APOD: variants seen among roughly 807,000 people sequenced by gnomAD.
The protein encoded by APOD is apo-D.
Under a neutral mutation model 20.4 loss-of-function variants are expected in APOD, and 22 were observed. The ratio of observed to expected loss-of-function variants is 1.08; its 90% CI spans 0.77 to 1.54. APOD has a LOEUF of 1.54. APOD is among the 40% of genes most tolerant of loss of function. The pLI is 0.00. For missense variants in APOD, 223 were observed against 229.6 expected, an observed-to-expected ratio of 0.97 and a Z score of 0.19; for synonymous variants, 97 against 92.4, an observed-to-expected ratio of 1.05 and a Z score of -0.29.
intron 2 of APOD, among the ~76,000 whole-genome samples, chr3:195,578,830 G>A (rs1720288795): frequency 6.6e-6 from 1 of 152,150 alleles, no homozygotes; most frequent in East Asian, 1.9e-4. Context: ...CTCTGTAGCA[G>A]CTACTATGGT....
chr3:195,569,199 A>C (rs927411722), intron 4 of APOD, 64 bp from the exon 5 acceptor site: 1 of 1,450,354 alleles, frequency 6.9e-7, no homozygotes, highest in African/African-American at 1.4e-5. Flanking sequence ...AGGACAACAC[A>C]AGAAGGCTGG....
At chr3:195,571,250 A>G (rs1720153053) in intron 4 of APOD, 27 bp downstream of exon 4, 1 of 1,604,984 alleles carries the variant, frequency 6.2e-7, no homozygotes, top group African/African-American at 1.3e-5. Context: ...CTGTCCCTGA[A>G]TCCTCCTGGG....
chr3:195,568,862 G>A lies in APOD; in HGVS notation c.*38C>T, dbSNP rs779437607. 46 of 1,450,200 alleles carry A rather than the reference G, an allele frequency of 3.2e-5. No individual in the cohort carries two copies. Among genetic ancestry groups the A allele is most frequent in the Middle Eastern group, 1.7e-4 (1 of 5,740 alleles). The allele number at this position is 1,450,200 out of a possible 1,614,324, so 89.8% of individuals were successfully genotyped here. A position where few individuals can be genotyped will look rare whatever the true frequency, so the allele number is the denominator to read the frequency against. ...GGGGGTAGGGGAAAGCGAAGCAGAA[G>A]TAACATGGAGTGGGTGCAGCCTCCC... On this transcript the variant is annotated 3_prime_UTR_variant, in exon 5 of 5. Coordinates refer to ENST00000343267, the MANE Select transcript of APOD (RefSeq NM_001647.4).
intron 2 of APOD, 28 bp downstream of exon 2, chr3:195,579,311 C>G (rs1429249711): frequency 1.2e-6 from 2 of 1,613,338 alleles, no homozygotes; most frequent in South Asian, 2.2e-5. Flanking sequence ...GCGGAGGCAG[C>G]AAAACAAACG....
Position 195,583,868 on chromosome 3 carries a change from C to T in APOD, c.-35+10G>A, listed in dbSNP as rs1720381596. 6.6e-6 allele frequency: 1 copy of T among 152,164 alleles called. No homozygotes were observed. Among genetic ancestry groups the T allele is most frequent in the Non-Finnish European group, 1.5e-5 (1 of 68,040 alleles). The allele number at this position is 152,164 out of a possible 1,614,324, so 9.4% of individuals were successfully genotyped here. ...ATCATAAATGAAAAGCTTAAAACTA[C>T]AGTACATACCTTTTCTTTCAAGATG... On this transcript the variant is annotated intron_variant, in intron 1 of 4. Coordinates refer to ENST00000343267, the MANE Select transcript of APOD (RefSeq NM_001647.4).
At chr3:195,570,452 A>G (rs1220521864) in intron 4 of APOD, 2 of 152,232 alleles carry the variant, frequency 1.3e-5, no homozygotes, top group African/African-American at 4.8e-5. Context: ...TAGTGTGAGA[A>G]GAACTGTTTT....
intron 3 of APOD, among the ~76,000 whole-genome samples, chr3:195,571,782 C>CTT (rs34868553): frequency 2.8e-5 from 4 of 145,160 alleles, no homozygotes; most frequent in African/African-American, 2.5e-5. Flanking sequence ...AGAAGATTCA[C>CTT]TTTTTTTTTT....
Position 195,568,949 on chromosome 3 carries a change from A to C in APOD, c.521T>G (p.Val174Gly). 4 of 1,614,106 alleles carry C rather than the reference A, an allele frequency of 2.5e-6. No individual in the cohort carries two copies. Among genetic ancestry groups the C allele is most frequent in the Non-Finnish European group, 3.4e-6 (4 of 1,180,010 alleles). ...CTGGTCTGTGACCGTCATTTTCTTG[A>C]CATCAATGTTATTAGAAGTCAGGAT... ...KNILTSNNIDVKKMTVTDQVN... is the reference protein window; with the variant it reads ...KNILTSNNIDGKKMTVTDQVN... The change falls in exon 5 of 5, where the codon GTC becomes GGC. Residue 174 changes from valine to glycine, a missense_variant. Physicochemically the swap from Val to Gly is moderately radical, Grantham distance 109. Coordinates refer to ENST00000343267, the MANE Select transcript of APOD (RefSeq NM_001647.4).
chr3:195,579,814 C>T (rs774755767), intron 1 of APOD, among the ~76,000 whole-genome samples: 1 of 152,200 alleles, frequency 6.6e-6, no homozygotes, highest in Non-Finnish European at 1.5e-5. Context: ...GAATCACCCA[C>T]GGACCTCAAA....
intron 1 of APOD, among the ~76,000 whole-genome samples, chr3:195,582,040 ATGCCTGTAATCCCATGC>A (rs79382412): frequency 0.012 from 1,871 of 152,236 alleles, 18 homozygotes; most frequent in Non-Finnish European, 0.017. Context: ...ATGGTGGTGC[ATGCCTGTAATCCCATGC>A]TGCCTGTAAT....
At chr3:195,572,959 G>C (rs1720190982) in intron 3 of APOD, among the ~76,000 whole-genome samples, 1 of 152,136 alleles carries the variant, frequency 6.6e-6, no homozygotes, top group East Asian at 1.9e-4. Flanking sequence ...TCTGGGAACT[G>C]TGCTCTGATG....
At position 195,568,947 on chromosome 3, in the gene APOD, T is replaced by C; in HGVS notation, c.523A>G (p.Lys175Glu). ...ACCTGGTCTGTGACCGTCATTTTCT[T>C]GACATCAATGTTATTAGAAGTCAGG... is the stretch of plus-strand genomic sequence containing the variant. ...NILTSNNIDVKKMTVTDQVNC... is the reference protein window; with the variant it reads ...NILTSNNIDVEKMTVTDQVNC... Residue 175 changes from lysine (K) to glutamate (E), a missense_variant, in exon 5 of 5, where the codon AAG (lysine) becomes GAG (glutamate). By Grantham distance (56) the Lys-to-Glu change is moderately conservative. Coordinates refer to ENST00000343267, the MANE Select transcript of APOD (RefSeq NM_001647.4). 1.2e-6 allele frequency: 2 copies of C among 1,614,180 alleles called. No homozygotes were observed. Among genetic ancestry groups the C allele is most frequent in the Non-Finnish European group, 1.7e-6 (2 of 1,180,030 alleles).
chr3:195,580,832 G>A (rs1240808648), intron 1 of APOD, among the ~76,000 whole-genome samples: 13 of 152,222 alleles, frequency 8.5e-5, no homozygotes, highest in Non-Finnish European at 4.4e-5. Context: ...TTGAAGCGGG[G>A]CAGCAAGGCA....
rs887681058 is a variant in APOD at position 195,581,140 on chromosome 3, C to T, written c.-34-1645G>A. On this transcript the variant is annotated intron_variant, in intron 1 of 4. Coordinates refer to ENST00000343267, the MANE Select transcript of APOD (RefSeq NM_001647.4). ...CCTTTAATAATCAATAGCTTTTTTT[C>T]CCCTGGAGGTTTTGTTGCCTGGTTT... Among the ~76,000 whole-genome samples the T allele has an allele frequency of 2.6e-5, 4 of 152,016 alleles. No individual in the cohort carries two copies. In the South Asian group the frequency reaches 6.2e-4, roughly 24 times the overall value.
chr3:195,580,856 T>G (rs1373175536), intron 1 of APOD, among the ~76,000 whole-genome samples: 1 of 152,226 alleles, frequency 6.6e-6, no homozygotes, highest in Non-Finnish European at 1.5e-5. Flanking sequence ...AGACAGAGGC[T>G]GCAGGACTGT....
chr3:195,571,140 AGT>A (rs1396527107), intron 4 of APOD, 135 bp downstream of exon 4: 1 of 795,180 alleles, frequency 1.3e-6, no homozygotes, highest in Non-Finnish European at 2.2e-6. Flanking sequence ...ACATGTAGTA[AGT>A]GTTTGACAGA....
At position 195,571,267 on chromosome 3, in the gene APOD, G is replaced by A. The variant is rs753224832; in HGVS notation, c.334+10C>T. On this transcript the variant is annotated intron_variant, in intron 4 of 4. Coordinates refer to ENST00000343267, the MANE Select transcript of APOD (RefSeq NM_001647.4). ...GTCCCTGAATCCTCCTGGGAAAAGT[G>A]GATACTTACACCAGGAAAACTTAAC... The A allele has an allele frequency of 6.2e-7, 1 of 1,612,344 alleles. No homozygotes were observed. Among genetic ancestry groups the A allele is most frequent in the Admixed American group, 1.7e-5 (1 of 60,008 alleles).
chr3:195,574,235 T>TA (rs150795719), intron 2 of APOD, among the ~76,000 whole-genome samples: 4 of 152,078 alleles, frequency 2.6e-5, no homozygotes, highest in South Asian at 2.1e-4. Context: ...CTAGACTCTG[T>TA]AAAAAAAGGG....
chr3:195,573,467 C>T (rs1325912873), intron 3 of APOD, among the ~76,000 whole-genome samples: 1 of 152,174 alleles, frequency 6.6e-6, no homozygotes, highest in Non-Finnish European at 1.5e-5. Context: ...GATGAACTGT[C>T]CTGGAAGGCG....
Sources: allele counts gnomAD v4.1 joint callset (sites outside exome capture counted in the v4.1 genomes callset), GRCh38; gene constraint gnomAD v4.1.1; transcripts MANE v1.5; gene names NCBI Gene and HGNC (gene_info 2026-07-23, HGNC 2026-07-21).